The following PDE4D variants were observed in gnomAD, a reference collection of about 807,000 sequenced individuals.
PDE4D encodes the protein 3',5'-cyclic-AMP phosphodiesterase 4D.
Under a neutral mutation model 87.4 loss-of-function variants are expected in PDE4D, and 24 were observed. The observed-to-expected ratio is 0.27, with a 90% CI of 0.20 to 0.39. The LOEUF is 0.39. Ranked by LOEUF, PDE4D falls within the 10% of genes least tolerant of loss-of-function variation. The probability of loss-of-function intolerance (pLI) is 1.00; values close to 1 mark genes in which losing one functional copy is unlikely to be tolerated. For missense variants in PDE4D, 714 were observed against 1,041.0 expected (o/e 0.69, Z 4.32); for synonymous variants, 384 against 383.2 (o/e 1.00, Z -0.02).
intron 1 of PDE4D, among the ~76,000 whole-genome samples, chr5:60,266,670 T>A (rs1354259782): frequency 6.6e-6 from 1 of 152,182 alleles, no homozygotes; most frequent in Non-Finnish European, 1.5e-5. Flanking sequence ...TAGTCTTCAC[T>A]CTGGCCCAAT....
chr5:59,178,567 G>A (rs1375466100), intron 5 of PDE4D, among the ~76,000 whole-genome samples: 3 of 152,094 alleles, frequency 2.0e-5, no homozygotes, highest in African/African-American at 4.8e-5. Flanking sequence ...TGCCCTTTGA[G>A]TGTAGCTACT....
intron 1 of PDE4D, among the ~76,000 whole-genome samples, chr5:60,291,971 G>C (rs1752936328): frequency 6.6e-6 from 1 of 152,014 alleles, no homozygotes; most frequent in Non-Finnish European, 1.5e-5. Context: ...ACACATAATA[G>C]AGACACATTA....
chr5:59,396,649 C>A lies in PDE4D; in HGVS notation c.456-180681G>T, dbSNP rs980145326. ...AATCATGCCAAAATGTAAAGACCAT[C>A]GAGACTAGGAAGAAACTGCATCAAC... On this transcript the variant is annotated intron_variant, in intron 1 of 14. Transcript: ENST00000340635. Among the ~76,000 whole-genome samples, 64 of 110,472 alleles carry A rather than the reference C, an allele frequency of 5.8e-4. 9 individuals are homozygous for A. Among genetic ancestry groups the A allele is most frequent in the African/African-American group, 2.5e-3 (63 of 25,574 alleles). The allele number at this position is 110,472 out of a possible 152,430, so 72.5% of individuals were successfully genotyped here.
intron 2 of PDE4D, chr5:60,031,007 C>T (rs1181751870): frequency 6.6e-6 from 1 of 152,118 alleles, no homozygotes; most frequent in Non-Finnish European, 1.5e-5. Flanking sequence ...TATTTTAATT[C>T]AATGTTCCCA....
At chr5:59,171,921 T>A (rs1156568143) in intron 5 of PDE4D, among the ~76,000 whole-genome samples, 1 of 115,348 alleles carries the variant, frequency 8.7e-6, no homozygotes, top group Non-Finnish European at 1.6e-5. Flanking sequence ...AAATACATTA[T>A]ATAATAAATA....
chr5:59,555,221 A>G (rs770916923), intron 1 of PDE4D, among the ~76,000 whole-genome samples: 1 of 152,190 alleles, frequency 6.6e-6, no homozygotes, highest in Non-Finnish European at 1.5e-5. Flanking sequence ...AGCTAGAGGC[A>G]TTATCCTTAG....
At chr5:59,351,103 G>A (rs531490739) in intron 1 of PDE4D, among the ~76,000 whole-genome samples, 4 of 152,192 alleles carry the variant, frequency 2.6e-5, no homozygotes, top group Non-Finnish European at 5.9e-5. Flanking sequence ...TGCTATGAAA[G>A]AGTTGGCAGG....
intron 1 of PDE4D, among the ~76,000 whole-genome samples, chr5:60,281,416 A>T (rs191621621): frequency 1.3e-5 from 2 of 152,320 alleles, no homozygotes; most frequent in East Asian, 3.9e-4. Context: ...TTTATTTGCC[A>T]TTCCTAAAAA....
chr5:60,211,141 C>T (rs1026461392), intron 1 of PDE4D, among the ~76,000 whole-genome samples: 1 of 152,194 alleles, frequency 6.6e-6, no homozygotes, highest in Non-Finnish European at 1.5e-5. Flanking sequence ...AGCTCGGTGA[C>T]GCTCAGTAGA....
chr5:60,398,903 C>A (rs1446296996), intron 1 of PDE4D, among the ~76,000 whole-genome samples: 2 of 152,072 alleles, frequency 1.3e-5, no homozygotes, highest in Non-Finnish European at 1.5e-5. Context: ...GTCTGTCCAA[C>A]CCCAACACCC....
At chr5:60,315,758 C>G (rs898145808) in intron 1 of PDE4D, among the ~76,000 whole-genome samples, 3 of 152,018 alleles carry the variant, frequency 2.0e-5, no homozygotes, top group South Asian at 2.1e-4. Context: ...TTTCCCCATT[C>G]CTTGTTTTTG....
At chr5:59,821,022 A>G (rs1189445140) in intron 1 of PDE4D, among the ~76,000 whole-genome samples, 1 of 152,186 alleles carries the variant, frequency 6.6e-6, no homozygotes, top group Non-Finnish European at 1.5e-5. Flanking sequence ...ACTTGAGATC[A>G]GGAGTTTGAG....
intron 3 of PDE4D, among the ~76,000 whole-genome samples, chr5:59,915,381 A>G (rs1323932535): frequency 3.3e-5 from 5 of 152,192 alleles, no homozygotes; most frequent in Non-Finnish European, 7.3e-5. Context: ...AGATGGTGCA[A>G]TCACAATTAA....
chr5:60,067,264 A>G (rs1384921111), intron 2 of PDE4D, among the ~76,000 whole-genome samples: 1 of 152,128 alleles, frequency 6.6e-6, no homozygotes, highest in Non-Finnish European at 1.5e-5. Flanking sequence ...TTGATATGGT[A>G]GATGAGAACA....
intron 1 of PDE4D, among the ~76,000 whole-genome samples, chr5:59,762,615 T>C (rs1449379000): frequency 3.0e-5 from 4 of 131,838 alleles, no homozygotes; most frequent in South Asian, 4.7e-4. Flanking sequence ...TATAGGTACA[T>C]ATGTGTATAT....
intron 1 of PDE4D, among the ~76,000 whole-genome samples, chr5:59,390,068 C>G (rs1216486944): frequency 6.6e-6 from 1 of 152,014 alleles, no homozygotes; most frequent in Non-Finnish European, 1.5e-5. Context: ...TTGATCATCA[C>G]ACATTGTATG....
chr5:60,308,862 C>G (rs911552000), intron 1 of PDE4D, among the ~76,000 whole-genome samples: 2 of 152,116 alleles, frequency 1.3e-5, no homozygotes, highest in African/African-American at 4.8e-5. Flanking sequence ...AGATAACAAA[C>G]TTGCCCCCCG....
chr5:59,642,405 C>T (rs1422403653), intron 1 of PDE4D, among the ~76,000 whole-genome samples: 2 of 152,126 alleles, frequency 1.3e-5, no homozygotes, highest in Non-Finnish European at 2.9e-5. Context: ...TCTGTGTCCC[C>T]ACCCAAATCT....
At chr5:59,976,397 G>T (rs1761337068) in intron 3 of PDE4D, among the ~76,000 whole-genome samples, 1 of 152,046 alleles carries the variant, frequency 6.6e-6, no homozygotes, top group Non-Finnish European at 1.5e-5. Flanking sequence ...AAATGGCTTG[G>T]TGCCCTCCCT....
Sources: gnomAD v4.1 joint callset for allele counts (sites outside exome capture counted in the v4.1 genomes callset) on GRCh38, gnomAD v4.1.1 for gene constraint, MANE v1.5 for transcripts, NCBI Gene and HGNC (gene_info 2026-07-23, HGNC 2026-07-21) for gene names.